The following NPRL2 variants were observed in gnomAD, a reference collection of about 807,000 sequenced individuals.
NPRL2 encodes GATOR1 complex protein NPRL2.
In NPRL2, 21 loss-of-function variants were observed where a neutral mutation model predicts 51.1. The ratio of observed to expected loss-of-function variants is 0.41; its 90% CI spans 0.29 to 0.59. NPRL2 has a LOEUF of 0.59. NPRL2 is among the 20% of genes least tolerant of loss of function. The probability of loss-of-function intolerance (pLI) is 0.29; values close to 1 mark genes in which losing one functional copy is unlikely to be tolerated. For synonymous variants in NPRL2, 175 were observed against 187.8 expected (o/e 0.93, Z 0.56); for missense variants, 376 against 483.4 (o/e 0.78, Z 2.08).
At position 50,348,823 on chromosome 3, in the gene NPRL2, C is replaced by CAA. The variant is rs1703647179; in HGVS notation, c.586-42_586-41insTT. Reference sequence around the variant, plus strand: ...CAAGGTCAGAAGAAACAGGATGAGGCCAGGGCTGTGGCCAGCCCCAGGTGA... The same window carrying CAA: ...CAAGGTCAGAAGAAACAGGATGAGGCAACAGGGCTGTGGCCAGCCCCAGGTGA... On this transcript the variant is annotated intron_variant, in intron 5 of 10. Coordinates refer to ENST00000232501, the MANE Select transcript of NPRL2 (RefSeq NM_006545.5). The surrounding 1 kb of genome is among the most constrained non-coding windows in gnomAD (Gnocchi z 5.8). 1 of 1,613,874 alleles carries CAA rather than the reference C, an allele frequency of 6.2e-7. No homozygotes were observed. Among genetic ancestry groups the CAA allele is most frequent in the Non-Finnish European group, 8.5e-7 (1 of 1,179,978 alleles).
rs377733182 is a variant in NPRL2 at position 50,349,405 on chromosome 3, G to A, written c.429C>T (p.Gly143=). 1 of 1,613,570 alleles carries A rather than the reference G, an allele frequency of 6.2e-7. No individual in the cohort carries two copies. Among genetic ancestry groups the A allele is most frequent in the African/African-American group, 1.3e-5 (1 of 75,002 alleles). Residue 143 remains glycine, a synonymous_variant, in exon 4 of 11, where the codon GGC becomes GGT. Coordinates refer to ENST00000232501, the MANE Select transcript of NPRL2 (RefSeq NM_006545.5). The surrounding 1 kb of genome is among the most constrained non-coding windows in gnomAD (Gnocchi z 4.6). ...TILLEELNAS[G]RCTLPIDESN... is the part of the protein sequence containing the mutation. ...CCATACCAATGGGCAGAGTGCACCG[G>A]CCTGAGGCATTTAGCTCCTCCAGCA...
Position 50,349,704 on chromosome 3 carries a change from G to A in NPRL2, c.300C>T (p.Pro100=). The part of the protein sequence containing the change: ...DAQAKTCALE[P]IVKKLAGYLT... ...GATAGCCAGCCAGCTTTTTAACAAT[G>A]GGCTCGAGGGCGCAGGTCTTGGCCT... The change falls in exon 3 of 11, where the codon CCC becomes CCT. Residue 100 remains proline (P), a synonymous_variant. Coordinates refer to ENST00000232501, the MANE Select transcript of NPRL2 (RefSeq NM_006545.5). This position sits in a 1 kb window ranked among gnomAD's most constrained non-coding sequence, Gnocchi z 4.6. The A allele has an allele frequency of 1.2e-6, 2 of 1,613,672 alleles. No homozygotes were observed. The highest frequency in any genetic ancestry group is 1.7e-6 in the Non-Finnish European group (2 of 1,179,844).
In NPRL2 at chr3:50,348,384, G is replaced by T; in HGVS notation, c.747C>A (p.Pro249=). The change falls in exon 8 of 11, where the codon CCC becomes CCA. Residue 249 remains proline (P), a synonymous_variant. Coordinates refer to ENST00000232501, the MANE Select transcript of NPRL2 (RefSeq NM_006545.5). This position sits in a 1 kb window ranked among gnomAD's most constrained non-coding sequence, Gnocchi z 5.8. ...LQYSNVYCPT[P]KVQDLVDDKS... ...TGTCATCTACCAGGTCCTGGACCTT[G>T]GGCGTTGGGCAGTATACATTGGAGT... The T allele has an allele frequency of 6.2e-7, 1 of 1,613,948 alleles. No homozygotes were observed. Among genetic ancestry groups the T allele is most frequent in the Non-Finnish European group, 8.5e-7 (1 of 1,180,034 alleles).
chr3:50,348,452 TG>T lies in NPRL2; in HGVS notation c.721-43del, dbSNP rs1330224433. ...GGCATAGGGGCCTGAGTGAGGGGCT[TG>T]GGAAGCTGACACAGCCCTGGTCTGG... On this transcript the variant is annotated intron_variant, in intron 7 of 10. Coordinates refer to ENST00000232501, the MANE Select transcript of NPRL2 (RefSeq NM_006545.5). This position sits in a 1 kb window ranked among gnomAD's most constrained non-coding sequence, Gnocchi z 5.8. 3 of 1,613,052 alleles carry T rather than the reference TG, an allele frequency of 1.9e-6. No homozygotes were observed. Among genetic ancestry groups the T allele is most frequent in the Non-Finnish European group, 2.5e-6 (3 of 1,179,324 alleles).
chr3:50,347,843 C>T lies in NPRL2; in HGVS notation c.991G>A (p.Val331Met), dbSNP rs1475710241. 1 of 1,613,962 alleles carries T rather than the reference C, an allele frequency of 6.2e-7. No individual in the cohort carries two copies. Among genetic ancestry groups the T allele is most frequent in the Non-Finnish European group, 8.5e-7 (1 of 1,180,054 alleles). ...CTCTGCTCTTCCCGAGTCACCCGCACAGGATACTTCTGTAGTCGCCTGATG... is the reference window on the plus strand; with the variant it reads ...CTCTGCTCTTCCCGAGTCACCCGCATAGGATACTTCTGTAGTCGCCTGATG... ...NLIRRLQKYPVRVTREEQSHP... is the reference protein window; with the variant it reads ...NLIRRLQKYPMRVTREEQSHP... The change falls in exon 10 of 11, where the codon GTG becomes ATG. Residue 331 changes from valine to methionine, a missense_variant. Coordinates refer to ENST00000232501, the MANE Select transcript of NPRL2 (RefSeq NM_006545.5).
Position 50,350,348 on chromosome 3 carries a change from C to T in NPRL2, c.78+227G>A, listed in dbSNP as rs1391554414. On this transcript the variant is annotated intron_variant, in intron 1 of 10. Transcript: ENST00000232501. This position sits in a 1 kb window ranked among gnomAD's most constrained non-coding sequence, Gnocchi z 5.7. Reference sequence around the variant, plus strand: ...TTCTGTGGGACCTGGAACCCCCCAACCGGATCCCTACAGCCCGATATCCTA... The same window carrying T: ...TTCTGTGGGACCTGGAACCCCCCAATCGGATCCCTACAGCCCGATATCCTA... The T allele has an allele frequency of 3.3e-6, 2 of 614,248 alleles. No homozygotes were observed. Among genetic ancestry groups the T allele is most frequent in the Non-Finnish European group, 5.7e-6 (2 of 350,712 alleles). The allele number at this position is 614,248 out of a possible 1,614,324, so 38.0% of individuals were successfully genotyped here.
rs1703719119 is a variant in NPRL2 at position 50,350,439 on chromosome 3, A to G, written c.78+136T>C. 1.1e-6 allele frequency: 1 copy of G among 919,820 alleles called. No homozygotes were observed. Among genetic ancestry groups the G allele is most frequent in the Admixed American group, 2.6e-5 (1 of 38,924 alleles). 57.0% of individuals were successfully genotyped at this position (919,820 alleles called of 1,614,324 possible). On this transcript the variant is annotated intron_variant, in intron 1 of 10. Coordinates refer to ENST00000232501, the MANE Select transcript of NPRL2 (RefSeq NM_006545.5). The surrounding 1 kb of genome is among the most constrained non-coding windows in gnomAD (Gnocchi z 5.7). ...GGGAGCCGGGGGCCTGGGTCTGACT[A>G]TCCTCTAGCCTCACAGTTGTCTGCG...
Position 50,348,029 on chromosome 3 carries a change from T to C in NPRL2, c.932+95A>G, listed in dbSNP as rs1703618536. The stretch of plus-strand genomic sequence containing the variant: ...ATCATCTCCAGGAAGCCTGCTTGGA[T>C]TGGCAGTGCCCCATGATCCAGGGCT... On this transcript the variant is annotated intron_variant, in intron 9 of 10. Coordinates refer to ENST00000232501, the MANE Select transcript of NPRL2 (RefSeq NM_006545.5). The surrounding 1 kb of genome is among the most constrained non-coding windows in gnomAD (Gnocchi z 5.8). The C allele has an allele frequency of 6.3e-6, 10 of 1,586,262 alleles. No individual in the cohort carries two copies. Among genetic ancestry groups the C allele is most frequent in the Middle Eastern group, 1.7e-4 (1 of 5,982 alleles).
At position 50,350,090 on chromosome 3, in the gene NPRL2, T is replaced by A; in HGVS notation, c.79-68A>T. 1.5e-6 allele frequency: 2 copies of A among 1,312,226 alleles called. No homozygotes were observed. The highest frequency in any genetic ancestry group is 2.5e-4 in the Middle Eastern group (1 of 4,012). The allele number at this position is 1,312,226 out of a possible 1,614,324, so 81.3% of individuals were successfully genotyped here. On this transcript the variant is annotated intron_variant, in intron 1 of 10. Transcript: ENST00000232501. This position sits in a 1 kb window ranked among gnomAD's most constrained non-coding sequence, Gnocchi z 5.7. ...ACTGGGTGTAGTACAAATGGTGACC[T>A]CCTCATGCCCCCCAAGCCCAAGTCC...
chr3:50,350,265 C>G lies in NPRL2; in HGVS notation c.79-243G>C. ...CTTTCTCCTGCCTTACCTAAACTTC[C>G]TATGCATCATTTACTCTTCACTCAG... On this transcript the variant is annotated intron_variant, in intron 1 of 10. Coordinates refer to ENST00000232501, the MANE Select transcript of NPRL2 (RefSeq NM_006545.5). This position sits in a 1 kb window ranked among gnomAD's most constrained non-coding sequence, Gnocchi z 5.7. The G allele has an allele frequency of 1.7e-6, 1 of 597,342 alleles. No homozygotes were observed. The highest frequency in any genetic ancestry group is 2.0e-5 in the South Asian group (1 of 49,712). 37.0% of individuals were successfully genotyped at this position (597,342 alleles called of 1,614,324 possible).
Position 50,347,409 on chromosome 3 carries a change from C to T in NPRL2, c.*197G>A, listed in dbSNP as rs927152813. Reference sequence around the variant, plus strand: ...ATTGTCGGTCCTGCCCACCAGATGGCGATCTAGCCCACGGCTCGTGGCTAT... The same window carrying T: ...ATTGTCGGTCCTGCCCACCAGATGGTGATCTAGCCCACGGCTCGTGGCTAT... On this transcript the variant is annotated 3_prime_UTR_variant, in exon 11 of 11. Coordinates refer to ENST00000232501, the MANE Select transcript of NPRL2 (RefSeq NM_006545.5). 5.9e-5 allele frequency: 22 copies of T among 375,256 alleles called. No individual in the cohort carries two copies. Among genetic ancestry groups the T allele is most frequent in the African/African-American group, 4.1e-4 (19 of 46,300 alleles). The allele number at this position is 375,256 out of a possible 1,614,324, so 23.2% of individuals were successfully genotyped here.
At position 50,350,532 on chromosome 3, in the gene NPRL2, G is replaced by A; in HGVS notation, c.78+43C>T. 6.4e-7 allele frequency: 1 copy of A among 1,565,862 alleles called. No individual in the cohort carries two copies. The highest frequency in any genetic ancestry group is 8.7e-7 in the Non-Finnish European group (1 of 1,152,868). On this transcript the variant is annotated intron_variant, in intron 1 of 10. Coordinates refer to ENST00000232501, the MANE Select transcript of NPRL2 (RefSeq NM_006545.5). This position sits in a 1 kb window ranked among gnomAD's most constrained non-coding sequence, Gnocchi z 5.7. ...TTCAGGCAGCCAGTTGAGCTCTCGA[G>A]AACGTCCCTCTTCCCGCCCAGTCCC...
In NPRL2 at chr3:50,350,088, C is replaced by T. The variant is rs1575563314; in HGVS notation, c.79-66G>A. 6.1e-6 allele frequency: 8 copies of T among 1,311,650 alleles called. No individual in the cohort carries two copies. The Admixed American group carries it at 8.6e-5, about 14-fold the overall frequency. 81.3% of individuals were successfully genotyped at this position (1,311,650 alleles called of 1,614,324 possible). Reference sequence around the variant, plus strand: ...GTACTGGGTGTAGTACAAATGGTGACCTCCTCATGCCCCCCAAGCCCAAGT... The same window carrying T: ...GTACTGGGTGTAGTACAAATGGTGATCTCCTCATGCCCCCCAAGCCCAAGT... On this transcript the variant is annotated intron_variant, in intron 1 of 10. Coordinates refer to ENST00000232501, the MANE Select transcript of NPRL2 (RefSeq NM_006545.5). The surrounding 1 kb of genome is among the most constrained non-coding windows in gnomAD (Gnocchi z 5.7).
rs1481446020 is a variant in NPRL2, at chr3:50,348,159, G to A, written c.897C>T (p.Gly299=). The change falls in exon 9 of 11, where the codon GGC becomes GGT. Residue 299 remains glycine (G), a synonymous_variant. Coordinates refer to ENST00000232501, the MANE Select transcript of NPRL2 (RefSeq NM_006545.5). This position sits in a 1 kb window ranked among gnomAD's most constrained non-coding sequence, Gnocchi z 5.8. ...CATGCTGCAGCTGCTGGGGGTGGCGGCCAATGAGGTCTCGCACGGTAGTGC... is the reference window on the plus strand; with the variant it reads ...CATGCTGCAGCTGCTGGGGGTGGCGACCAATGAGGTCTCGCACGGTAGTGC... ...SPGTTVRDLI[G]RHPQQLQHVD... is the part of the protein sequence containing the mutation. 1 of 1,614,038 alleles carries A rather than the reference G, an allele frequency of 6.2e-7. No individual in the cohort carries two copies. The highest frequency in any genetic ancestry group is 1.1e-5 in the South Asian group (1 of 91,090).
Position 50,348,707 on chromosome 3 carries a change from G to A in NPRL2, c.661C>T (p.Arg221Cys), listed in dbSNP as rs751736902. 1.4e-5 allele frequency: 22 copies of A among 1,613,850 alleles called. No homozygotes were observed. The highest frequency in any genetic ancestry group is 6.7e-5 in the East Asian group (3 of 44,884). Residue 221 changes from arginine to cysteine, a missense_variant, in exon 6 of 11, where the codon CGC becomes TGC. Transcript: ENST00000232501. The surrounding 1 kb of genome is among the most constrained non-coding windows in gnomAD (Gnocchi z 5.8). The stretch of plus-strand genomic sequence containing the variant: ...CACAGCAGGTTCTGGATAGCAATGC[G>A]CACCAGGTTGAGCTCCACATCTGCC... ...AEADVELNLV[R>C]IAIQNLLYYG...
Position 50,348,387 on chromosome 3 carries a change from C to T in NPRL2, c.744G>A (p.Thr248=), listed in dbSNP as rs771319915. 5.6e-6 allele frequency: 9 copies of T among 1,613,846 alleles called. No individual in the cohort carries two copies. The East Asian group carries it at 6.7e-5, about 12-fold the overall frequency. ...CATCTACCAGGTCCTGGACCTTGGG[C>T]GTTGGGCAGTATACATTGGAGTACT... is the stretch of plus-strand genomic sequence containing the variant. ...ILQYSNVYCP[T]PKVQDLVDDK... Residue 248 remains threonine, a synonymous_variant, in exon 8 of 11, where the codon ACG becomes ACA. Transcript: ENST00000232501. The surrounding 1 kb of genome is among the most constrained non-coding windows in gnomAD (Gnocchi z 5.8).
Position 50,349,912 on chromosome 3 carries a change from C to A in NPRL2, c.170+19G>T. ...GACAACCCCTGCCACCCACCGCTCA[C>A]CCCGAGCTAGGGTCTCACACAGTGA... On this transcript the variant is annotated intron_variant, in intron 2 of 10. Coordinates refer to ENST00000232501, the MANE Select transcript of NPRL2 (RefSeq NM_006545.5). This position sits in a 1 kb window ranked among gnomAD's most constrained non-coding sequence, Gnocchi z 4.6. 1 of 1,613,946 alleles carries A rather than the reference C, an allele frequency of 6.2e-7. No individual in the cohort carries two copies. Among genetic ancestry groups the A allele is most frequent in the Non-Finnish European group, 8.5e-7 (1 of 1,179,960 alleles).
Position 50,350,182 on chromosome 3 carries a change from C to A in NPRL2, c.79-160G>T. On this transcript the variant is annotated intron_variant, in intron 1 of 10. Transcript: ENST00000232501. This position sits in a 1 kb window ranked among gnomAD's most constrained non-coding sequence, Gnocchi z 5.7. ...TTACTTCTTTCTGTTTCCAAACATA[C>A]GCTATGATCTCACCTCCTTCCTGGC... is the stretch of plus-strand genomic sequence containing the variant. 1.6e-6 allele frequency: 1 copy of A among 628,846 alleles called. No individual in the cohort carries two copies. Among genetic ancestry groups the A allele is most frequent in the Non-Finnish European group, 2.8e-6 (1 of 356,642 alleles). The allele number at this position is 628,846 out of a possible 1,614,324, so 39.0% of individuals were successfully genotyped here.
Position 50,347,798 on chromosome 3 carries a change from T to TA in NPRL2, c.1035dup (p.Thr346TyrfsTer7), listed in dbSNP as rs1461127411. 6.2e-7 allele frequency: 1 copy of TA among 1,613,984 alleles called. No homozygotes were observed. Among genetic ancestry groups the TA allele is most frequent in the African/African-American group, 1.3e-5 (1 of 75,028 alleles). ...ATCTCGTCATAGCTGTGGCAGCCTGTATAAAGCCGGGCAGGGTGGCTCTGC... is the reference window on the plus strand; with the variant it reads ...ATCTCGTCATAGCTGTGGCAGCCTGTAATAAAGCCGGGCAGGGTGGCTCTGC... On this transcript the variant is annotated frameshift_variant, in exon 10 of 11. Transcript: ENST00000232501. LOFTEE classifies it high-confidence loss of function.
Sources: allele counts gnomAD v4.1 joint callset, GRCh38; gene constraint gnomAD v4.1.1; non-coding constraint Gnocchi (gnomAD v3.1); transcripts MANE v1.5; gene names NCBI Gene and HGNC (gene_info 2026-07-23, HGNC 2026-07-21).